The following MYCBP2 variants were observed in gnomAD, a reference collection of about 807,000 sequenced individuals.
MYCBP2 encodes MYC binding protein 2.
MYCBP2 carries 120 observed loss-of-function variants against 525.3 expected under a neutral mutation model. That is an observed-to-expected ratio of 0.23 (90% CI 0.20 to 0.27). MYCBP2 has a LOEUF of 0.27. MYCBP2 is among the 10% of genes least tolerant of loss of function. The pLI, the probability that MYCBP2 is intolerant of heterozygous loss-of-function variation, is 1.00. For missense variants in MYCBP2, 4,149 were observed against 5,657.1 expected (o/e 0.73, Z 8.55); for synonymous variants, 1,894 against 1,955.8 (o/e 0.97, Z 0.83).
rs147629519 is a variant in MYCBP2, at chr13:77,270,832, G to A, written c.946-294C>T. Among the ~76,000 whole-genome samples the A allele has an allele frequency of 1.0e-3, 156 of 152,020 alleles. 1 individual carries two copies. The highest frequency in any genetic ancestry group is 3.4e-3 in the Middle Eastern group (1 of 294). On this transcript the variant is annotated intron_variant, in intron 5 of 82. Coordinates refer to ENST00000544440, the MANE Select transcript of MYCBP2 (RefSeq NM_015057.5). ...ATTATTGCCTTGTGGAACTCAGATT[G>A]TATTACATTAGATTTTGTCATTCTC...
chr13:77,270,698 A>C (rs571324702), intron 5 of MYCBP2, among the ~76,000 whole-genome samples, 160 bp from the exon 6 acceptor site: 1 of 152,318 alleles, frequency 6.6e-6, no homozygotes, highest in South Asian at 2.1e-4. Context: ...TTCATCTATA[A>C]GAAGCAAATC....
intron 45 of MYCBP2, among the ~76,000 whole-genome samples, chr13:77,156,592 A>C (rs7984991): frequency 2.6e-5 from 4 of 152,212 alleles, no homozygotes; most frequent in Non-Finnish European, 5.9e-5. Flanking sequence ...GCAAGCCTGG[A>C]AAAAGCAGTG....
intron 1 of MYCBP2, among the ~76,000 whole-genome samples, chr13:77,308,992 T>C (rs1242809409): frequency 1.3e-5 from 2 of 152,186 alleles, no homozygotes; most frequent in Non-Finnish European, 1.5e-5. Flanking sequence ...CAGATAGTCA[T>C]AGATGTTTGC....
chr13:77,045,183 A>G lies in MYCBP2; in HGVS notation c.*195T>C. ...ATGTCATTTGTTCAAAAGAAGATAAACCAAAATAATGGGGAAACTTTTCAT... is the reference window on the plus strand; with the variant it reads ...ATGTCATTTGTTCAAAAGAAGATAAGCCAAAATAATGGGGAAACTTTTCAT... On this transcript the variant is annotated 3_prime_UTR_variant, in exon 83 of 83. Transcript: ENST00000544440. 1 of 488,800 alleles carries G rather than the reference A, an allele frequency of 2.0e-6. No homozygotes were observed. Among genetic ancestry groups the G allele is most frequent in the Non-Finnish European group, 3.6e-6 (1 of 277,132 alleles). The allele number at this position is 488,800 out of a possible 1,614,324, so 30.3% of individuals were successfully genotyped here.
intron 21 of MYCBP2, among the ~76,000 whole-genome samples, chr13:77,216,729 TA>T (rs1223882469): frequency 6.6e-6 from 1 of 152,110 alleles, no homozygotes; most frequent in African/African-American, 2.4e-5. Flanking sequence ...AGACAATACA[TA>T]GCTGTAGAAA....
chr13:77,281,453 C>A (rs968206909), intron 3 of MYCBP2, among the ~76,000 whole-genome samples: 1 of 151,930 alleles, frequency 6.6e-6, no homozygotes, highest in South Asian at 2.1e-4. Context: ...TAAAAGAACA[C>A]AAGAAGCTTC....
At chr13:77,132,364 C>T (rs1228299686) in intron 52 of MYCBP2, among the ~76,000 whole-genome samples, 2 of 152,050 alleles carry the variant, frequency 1.3e-5, no homozygotes, top group Non-Finnish European at 2.9e-5. Flanking sequence ...ATGCAAGAAA[C>T]ATTTGCCAAT....
chr13:77,274,857 G>A (rs2075337906), intron 4 of MYCBP2, among the ~76,000 whole-genome samples: 1 of 151,924 alleles, frequency 6.6e-6, no homozygotes, highest in African/African-American at 2.4e-5. Context: ...CCTCCCTTCT[G>A]TCTTCTTTTC....
chr13:77,157,525 TATC>T (rs1461825888), intron 45 of MYCBP2, among the ~76,000 whole-genome samples: 1 of 152,130 alleles, frequency 6.6e-6, no homozygotes, highest in Non-Finnish European at 1.5e-5. Flanking sequence ...CACCTGGTCT[TATC>T]ATATACTATC....
intron 17 of MYCBP2, among the ~76,000 whole-genome samples, chr13:77,234,730 C>T (rs532902722): frequency 1.3e-5 from 2 of 151,904 alleles, no homozygotes; most frequent in East Asian, 1.9e-4. Context: ...GAACAAAATG[C>T]CTTATTTTCT....
At chr13:77,286,510 T>C (rs966470935) in intron 3 of MYCBP2, among the ~76,000 whole-genome samples, 3 of 151,218 alleles carry the variant, frequency 2.0e-5, no homozygotes, top group African/African-American at 7.3e-5. Context: ...TCCCAGCACG[T>C]TGGGAGGCCG....
rs2059860985 is a variant in MYCBP2, at chr13:77,177,936, G to A, written c.5152C>T (p.Leu1718Phe). The A allele has an allele frequency of 2.5e-6, 4 of 1,609,390 alleles. No homozygotes were observed. The highest frequency in any genetic ancestry group is 1.3e-5 in the African/African-American group (1 of 74,828). Residue 1718 changes from leucine to phenylalanine, a missense_variant, in exon 35 of 83, where the codon CTT (leucine) becomes TTT (phenylalanine). This residue lies in a region of MYCBP2 where 54 missense variants were observed against 117.0 expected (regional missense o/e 0.46). Transcript: ENST00000544440. ...TTAGCACTAGCTTTTACAGAGTGAA[G>A]AGAATTAAGTCCATCAACCTGTGAA... ...LGSEVDGLNSLHSVKASANRF... is the reference protein window; with the variant it reads ...LGSEVDGLNSFHSVKASANRF...
chr13:77,263,889 A>C (rs1421995118), intron 9 of MYCBP2, 40 bp downstream of exon 9: 1 of 1,606,570 alleles, frequency 6.2e-7, no homozygotes, highest in African/African-American at 1.3e-5. Context: ...AGGAAAAGGA[A>C]TTCCATTTAC....
chr13:77,129,769 T>C (rs963984800), intron 52 of MYCBP2: 43 of 152,048 alleles, frequency 2.8e-4, no homozygotes, highest in Admixed American at 2.6e-3. Flanking sequence ...TTTTCAATTT[T>C]CCTTCCCTTT....
chr13:77,297,761 A>T (rs1038650444), intron 1 of MYCBP2, among the ~76,000 whole-genome samples: 4 of 152,248 alleles, frequency 2.6e-5, no homozygotes, highest in African/African-American at 9.6e-5. Context: ...TATCCTTGAC[A>T]TTGCCTTCAG....
intron 52 of MYCBP2, among the ~76,000 whole-genome samples, chr13:77,130,412 T>TGG (rs1434693398): frequency 1.3e-5 from 2 of 151,854 alleles, no homozygotes; most frequent in African/African-American, 4.8e-5. Flanking sequence ...TATCCATATA[T>TGG]ATATATGGAT....
intron 61 of MYCBP2, 120 bp from the exon 62 acceptor site, chr13:77,087,753 AT>A: frequency 1.2e-6 from 1 of 845,222 alleles, no homozygotes; most frequent in Non-Finnish European, 1.8e-6. Flanking sequence ...ATCTTTTTTA[AT>A]TAAAAAAAAT....
At chr13:77,056,550 T>C (rs1368226555) in intron 79 of MYCBP2, among the ~76,000 whole-genome samples, 1 of 152,246 alleles carries the variant, frequency 6.6e-6, no homozygotes, top group Non-Finnish European at 1.5e-5. Flanking sequence ...ACTTTCTCCT[T>C]GTTTTAACTA....
At chr13:77,052,718 A>C (rs1300498299) in intron 80 of MYCBP2, among the ~76,000 whole-genome samples, 1 of 152,244 alleles carries the variant, frequency 6.6e-6, no homozygotes, top group Non-Finnish European at 1.5e-5. Flanking sequence ...AGCAGTTCCC[A>C]ATTTATAATA....
Sources: allele counts gnomAD v4.1 joint callset (sites outside exome capture counted in the v4.1 genomes callset), GRCh38; gene constraint gnomAD v4.1.1; regional missense constraint gnomAD v4.1.1; transcripts MANE v1.5; gene names NCBI Gene and HGNC (gene_info 2026-07-23, HGNC 2026-07-21).